Variants in PLSCR2 observed in about 807,000 individuals in gnomAD.
PLSCR2 encodes the protein phospholipid scramblase 2.
A neutral mutation model predicts 25.3 loss-of-function variants in PLSCR2; 18 were observed. That is an observed-to-expected ratio of 0.71 (90% CI 0.49 to 1.06). PLSCR2 has a LOEUF of 1.06. Among genes scored for constraint, PLSCR2 ranks in the 50% least tolerant of loss-of-function variants. The pLI, the probability that PLSCR2 is intolerant of heterozygous loss-of-function variation, is 0.00. For synonymous variants in PLSCR2, 88 were observed against 87.3 expected (o/e 1.01, Z -0.04); for missense variants, 243 against 269.5 (o/e 0.90, Z 0.69).
upstream of PLSCR2, chr3:146,463,749 G>T: frequency 2.4e-6 from 1 of 420,846 alleles, no homozygotes; most frequent in Non-Finnish European, 3.2e-6. Context: ...CTCCTACTGT[G>T]CAATCCTAAG....
chr3:146,467,660 TATACAA>T (rs2041930124), intron 1 of PLSCR2, among the ~76,000 whole-genome samples: 2 of 151,826 alleles, frequency 1.3e-5, no homozygotes, highest in South Asian at 4.2e-4. Flanking sequence ...TATTTGTACA[TATACAA>T]ATACATTAAG....
intron 1 of PLSCR2, chr3:146,495,826 G>T: frequency 8.3e-7 from 1 of 1,198,930 alleles, no homozygotes; most frequent in Non-Finnish European, 1.2e-6. Flanking sequence ...ACAAAAGGGA[G>T]TATGTAGTAG....
In PLSCR2 at chr3:146,482,434, T is replaced by C. The variant is rs1230160363; in HGVS notation, c.-293+13461A>G. ...AGCAAAGGATATGAACAGACACTTCTCAAAAGAAGACATTTATGCAGCCAA... is the reference window on the plus strand; with the variant it reads ...AGCAAAGGATATGAACAGACACTTCCCAAAAGAAGACATTTATGCAGCCAA... On this transcript the variant is annotated intron_variant, in intron 1 of 8. Transcript: ENST00000336685. Among the ~76,000 whole-genome samples the C allele has an allele frequency of 3.9e-5, 6 of 152,130 alleles. No homozygotes were observed. In the South Asian group the frequency reaches 8.3e-4, roughly 21 times the overall value.
intron 2 of PLSCR2, among the ~76,000 whole-genome samples, chr3:146,403,165 T>A (rs777704412): frequency 2.9e-4 from 40 of 139,194 alleles, no homozygotes; most frequent in Non-Finnish European, 4.9e-4. Context: ...CACACACACA[T>A]GCACACTCCT....
rs986747653 is a variant in PLSCR2 at position 146,469,132 on chromosome 3, T to C, written c.-292-8848A>G. On this transcript the variant is annotated intron_variant, in intron 1 of 8. Transcript: ENST00000336685. ...ATAAATGACAGCTTGCAGGCTGTAT[T>C]AACCGTCCCTTCTAATAGCCCCACT... is the stretch of plus-strand genomic sequence containing the variant. 5 of 985,376 alleles carry C rather than the reference T, an allele frequency of 5.1e-6. No homozygotes were observed. The African/African-American group carries it at 8.7e-5, about 17-fold the overall frequency. 61.0% of individuals were successfully genotyped at this position (985,376 alleles called of 1,614,324 possible). A position where few individuals can be genotyped will look rare whatever the true frequency, so the allele number is the denominator to read the frequency against.
At chr3:146,482,197 A>C (rs1410307634) in intron 1 of PLSCR2, among the ~76,000 whole-genome samples, 1 of 152,210 alleles carries the variant, frequency 6.6e-6, no homozygotes, top group Non-Finnish European at 1.5e-5. Flanking sequence ...CACCAAAAAC[A>C]ATGACAACAA....
At chr3:146,441,592 T>C (rs1001149807), downstream of PLSCR2, among the ~76,000 whole-genome samples, 2 of 151,874 alleles carry the variant, frequency 1.3e-5, no homozygotes, top group Non-Finnish European at 2.9e-5. Flanking sequence ...ATAAATAAAA[T>C]AAATATTAGA....
chr3:146,459,720 C>T (rs755335143), intron 2 of PLSCR2, 128 bp downstream of exon 2: 1 of 664,908 alleles, frequency 1.5e-6, no homozygotes, highest in Admixed American at 3.2e-5. Flanking sequence ...GTGCTGTTTA[C>T]CATTTCTGAC....
At chr3:146,420,960 G>A (rs2039127995) in intron 2 of PLSCR2, among the ~76,000 whole-genome samples, 1 of 151,910 alleles carries the variant, frequency 6.6e-6, no homozygotes, top group Non-Finnish European at 1.5e-5. Flanking sequence ...TCAAAAAGAT[G>A]AGCCTTAGAG....
intron 2 of PLSCR2, among the ~76,000 whole-genome samples, chr3:146,402,169 G>A (rs2038494510): frequency 1.3e-5 from 2 of 151,976 alleles, no homozygotes; most frequent in South Asian, 4.1e-4. Context: ...AACAAAGAAA[G>A]TGTCCAATAA....
At chr3:146,396,863 A>G (rs928543808) in intron 2 of PLSCR2, among the ~76,000 whole-genome samples, 1 of 152,082 alleles carries the variant, frequency 6.6e-6, no homozygotes, top group Non-Finnish European at 1.5e-5. Flanking sequence ...CTCTGAACCC[A>G]CCATTCCCCC....
At chr3:146,483,857 T>C (rs1232953728) in intron 1 of PLSCR2, among the ~76,000 whole-genome samples, 1 of 151,568 alleles carries the variant, frequency 6.6e-6, no homozygotes, top group African/African-American at 2.4e-5. Context: ...ACACTAAAAA[T>C]GCAAATGGCC....
chr3:146,453,531 T>C lies in PLSCR2; in HGVS notation c.483+471A>G, dbSNP rs144851021. On this transcript the variant is annotated intron_variant, in intron 5 of 6. Coordinates refer to ENST00000610787, the Ensembl canonical transcript of PLSCR2. The stretch of plus-strand genomic sequence containing the variant: ...ACCACAGAGAAGTATAATTGGGTAA[T>C]ACATATTACACTGACTTTCTCAAAA... 7.5e-4 allele frequency among the ~76,000 whole-genome samples: 114 copies of C among 152,178 alleles called. 1 individual carries two copies. In the East Asian group the frequency reaches 0.022, roughly 29 times the overall value.
At chr3:146,441,572 T>C (rs902763257), downstream of PLSCR2, among the ~76,000 whole-genome samples, 1 of 151,936 alleles carries the variant, frequency 6.6e-6, no homozygotes, top group Non-Finnish European at 1.5e-5. Flanking sequence ...AAAACATTTA[T>C]AACCCAGTTA....
intron 2 of PLSCR2, among the ~76,000 whole-genome samples, chr3:146,399,735 T>TC (rs2038395293): frequency 6.7e-6 from 1 of 149,978 alleles, no homozygotes; most frequent in Non-Finnish European, 1.5e-5. Context: ...TCTCTCTCTC[T>TC]TTTTTTTTCT....
intron 2 of PLSCR2, among the ~76,000 whole-genome samples, chr3:146,418,284 C>A (rs2039047388): frequency 6.6e-6 from 1 of 152,104 alleles, no homozygotes; most frequent in Non-Finnish European, 1.5e-5. Context: ...CATATCAAAT[C>A]TCCAAAATCT....
chr3:146,412,627 T>A (rs538526996), intron 2 of PLSCR2, among the ~76,000 whole-genome samples: 9 of 152,158 alleles, frequency 5.9e-5, no homozygotes, highest in Non-Finnish European at 1.2e-4. Flanking sequence ...AATTTAATTT[T>A]CTCAGCAAGG....
downstream of PLSCR2, among the ~76,000 whole-genome samples, chr3:146,437,665 TC>T (rs2039961953): frequency 2.0e-5 from 3 of 152,152 alleles, no homozygotes; most frequent in African/African-American, 7.2e-5. Context: ...TTCTCTCTTT[TC>T]TTCTTTATTA....
chr3:146,406,195 C>T (rs1322483508), intron 2 of PLSCR2, among the ~76,000 whole-genome samples: 2 of 152,132 alleles, frequency 1.3e-5, no homozygotes, highest in Non-Finnish European at 2.9e-5. Context: ...TAGAGCAGGC[C>T]GCTAAAGTTA....
Sources: gnomAD v4.1 joint callset for allele counts (sites outside exome capture counted in the v4.1 genomes callset) on GRCh38, gnomAD v4.1.1 for gene constraint, MANE v1.5 for transcripts, NCBI Gene and HGNC (gene_info 2026-07-23, HGNC 2026-07-21) for gene names.